TGFBR3: variants seen among roughly 807,000 people sequenced by gnomAD.
TGFBR3 encodes the protein transforming growth factor beta receptor type 3.
Under a neutral mutation model 87.9 loss-of-function variants are expected in TGFBR3, and 46 were observed. The observed-to-expected ratio is 0.52, with a 90% CI of 0.41 to 0.67. TGFBR3 has a LOEUF of 0.67. Ranked by LOEUF, TGFBR3 falls within the 30% of genes least tolerant of loss-of-function variation. The pLI is 0.00. For missense variants in TGFBR3, 866 were observed against 1,041.9 expected, an observed-to-expected ratio of 0.83 and a Z score of 2.32; for synonymous variants, 381 against 391.6, an observed-to-expected ratio of 0.97 and a Z score of 0.32.
chr1:91,800,843 A>G (rs284167), intron 2 of TGFBR3: 113,720 of 160,426 alleles, frequency 0.71, 41,233 homozygotes, highest in African/African-American at 0.87. Flanking sequence ...CCAGCACTTC[A>G]GGAGGCCGAA....
chr1:91,714,940 A>T (rs1037491015), intron 12 of TGFBR3, among the ~76,000 whole-genome samples: 2 of 152,240 alleles, frequency 1.3e-5, no homozygotes, highest in African/African-American at 4.8e-5. Context: ...ATCTAGCGCC[A>T]GCGGGCTCTG....
At chr1:91,756,122 A>G (rs1229515329) in intron 4 of TGFBR3, among the ~76,000 whole-genome samples, 1 of 149,294 alleles carries the variant, frequency 6.7e-6, no homozygotes, top group Non-Finnish European at 1.5e-5. Flanking sequence ...CTTTGCTCAT[A>G]ATGCCTCCAT....
intron 2 of TGFBR3, among the ~76,000 whole-genome samples, chr1:91,846,619 T>G: frequency 6.6e-6 from 1 of 152,182 alleles, no homozygotes; most frequent in Non-Finnish European, 1.5e-5. Flanking sequence ...GAAGATTTGA[T>G]ACTTAAAAGT....
intron 1 of TGFBR3, among the ~76,000 whole-genome samples, chr1:91,902,547 T>C (rs1679748742): frequency 6.6e-6 from 1 of 152,112 alleles, no homozygotes. Context: ...CCTCCCAAAG[T>C]GCTGGGATTA....
chr1:91,861,281 T>C (rs576079636), intron 2 of TGFBR3, among the ~76,000 whole-genome samples, 190 bp downstream of exon 2: 1 of 152,032 alleles, frequency 6.6e-6, no homozygotes, highest in Non-Finnish European at 1.5e-5. Context: ...ACGCCTGTAG[T>C]CCCAACTAGT....
chr1:91,692,963 C>T (rs554428416), intron 16 of TGFBR3, among the ~76,000 whole-genome samples: 1 of 152,342 alleles, frequency 6.6e-6, no homozygotes, highest in African/African-American at 2.4e-5. Context: ...ACAGCATATA[C>T]GATCTGTGAG....
chr1:91,712,202 A>G (rs1193030269), intron 13 of TGFBR3, 41 bp downstream of exon 13: 1 of 1,602,822 alleles, frequency 6.2e-7, no homozygotes, highest in Non-Finnish European at 8.5e-7. Flanking sequence ...CTCACCTAAA[A>G]ATGCCAAAAT....
chr1:91,735,020 G>A, intron 4 of TGFBR3, 61 bp from the exon 5 acceptor site: 1 of 1,587,748 alleles, frequency 6.3e-7, no homozygotes, highest in Non-Finnish European at 8.6e-7. Context: ...ATCATAATTA[G>A]AGAAAGTACT....
chr1:91,793,805 C>CAAAAAAAAAAAAAA (rs57943201), intron 3 of TGFBR3, among the ~76,000 whole-genome samples: 1 of 99,058 alleles, frequency 1.0e-5, no homozygotes, highest in Non-Finnish European at 2.1e-5. Flanking sequence ...GACTCTGTCT[C>CAAAAAAAAAAAAAA]AAAAAAAAAA....
intron 2 of TGFBR3, among the ~76,000 whole-genome samples, chr1:91,801,322 G>C (rs1675622338): frequency 6.6e-6 from 1 of 152,154 alleles, no homozygotes; most frequent in Non-Finnish European, 1.5e-5. Flanking sequence ...GCAGGGTCCT[G>C]AAGTGCCCGG....
intron 14 of TGFBR3, among the ~76,000 whole-genome samples, chr1:91,699,864 C>G (rs755477831): frequency 1.3e-5 from 2 of 152,210 alleles, no homozygotes; most frequent in Non-Finnish European, 2.9e-5. Flanking sequence ...TGCACAGCTA[C>G]TCATTATCCT....
At chr1:91,805,603 G>A (rs1001599983) in intron 2 of TGFBR3, among the ~76,000 whole-genome samples, 2 of 152,190 alleles carry the variant, frequency 1.3e-5, no homozygotes, top group African/African-American at 4.8e-5. Context: ...TGCCAAACCA[G>A]CCTCCTTCAC....
chr1:91,683,907 A>G, intron 16 of TGFBR3, 50 bp from the exon 17 acceptor site: 1 of 1,470,368 alleles, frequency 6.8e-7, no homozygotes, highest in South Asian at 1.2e-5. Context: ...CATATTATGT[A>G]TGTGCATTCC....
intron 4 of TGFBR3, chr1:91,755,055 T>C (rs1433486578): frequency 1.3e-5 from 2 of 152,176 alleles, no homozygotes; most frequent in Non-Finnish European, 2.9e-5. Context: ...TTAGGCTCCC[T>C]GGGTAACCTC....
At chr1:91,709,551 TA>T (rs1671909966) in intron 13 of TGFBR3, among the ~76,000 whole-genome samples, 1 of 152,162 alleles carries the variant, frequency 6.6e-6, no homozygotes, top group African/African-American at 2.4e-5. Context: ...CATGTAAAAC[TA>T]AACTTTCCAG....
chr1:91,681,360 C>A lies in TGFBR3; in HGVS notation c.*2379G>T, dbSNP rs6669888. The A allele has an allele frequency of 0.21, 90,227 of 436,036 alleles. 10,116 individuals carry two copies. Among genetic ancestry groups the A allele is most frequent in the South Asian group, 0.3 (17,243 of 57,824 alleles). The allele number at this position is 436,036 out of a possible 1,614,324, so 27.0% of individuals were successfully genotyped here. A position where few individuals can be genotyped will look rare whatever the true frequency, so the allele number is the denominator to read the frequency against. ...TTCTTGATCTGAATAATAATTCTGA[C>A]AATGAGACCCAAACAAATAAAAGGT... On this transcript the variant is annotated 3_prime_UTR_variant, in exon 17 of 17. Transcript: ENST00000212355.
At chr1:91,891,469 G>T (rs1180242129) in intron 2 of TGFBR3, among the ~76,000 whole-genome samples, 1 of 150,922 alleles carries the variant, frequency 6.6e-6, no homozygotes, top group African/African-American at 2.4e-5. Flanking sequence ...CTGTACTCCA[G>T]CCTGGGCAAC....
chr1:91,767,382 G>A (rs1406588810), intron 3 of TGFBR3, among the ~76,000 whole-genome samples: 1 of 132,880 alleles, frequency 7.5e-6, no homozygotes, highest in African/African-American at 2.8e-5. Context: ...AATCCAGAGA[G>A]GAGTAATTAC....
intron 1 of TGFBR3, among the ~76,000 whole-genome samples, chr1:91,868,363 A>G (rs1678456423): frequency 6.6e-6 from 1 of 152,232 alleles, no homozygotes; most frequent in African/African-American, 2.4e-5. Flanking sequence ...TATTTTTGAG[A>G]TTAGACTTTA....
Sources: gnomAD v4.1 joint callset for allele counts (sites outside exome capture counted in the v4.1 genomes callset) on GRCh38, gnomAD v4.1.1 for gene constraint, MANE v1.5 for transcripts, NCBI Gene and HGNC (gene_info 2026-07-23, HGNC 2026-07-21) for gene names.